The following PTPN11 variants were observed in gnomAD, a reference collection of about 807,000 sequenced individuals.
PTPN11 encodes protein tyrosine phosphatase non-receptor type 11.
PTPN11 carries 6 observed loss-of-function variants against 78.8 expected under a neutral mutation model. The observed-to-expected ratio is 0.08, with a 90% CI of 0.04 to 0.15. PTPN11 has a LOEUF of 0.15. Among genes scored for constraint, PTPN11 ranks in the 10% least tolerant of loss-of-function variants. The probability of loss-of-function intolerance (pLI) is 1.00; values close to 1 mark genes in which losing one functional copy is unlikely to be tolerated. For synonymous variants in PTPN11, 221 were observed against 263.5 expected (o/e 0.84, Z 1.56); for missense variants, 386 against 744.8 (o/e 0.52, Z 5.61).
At chr12:112,460,649 C>A (rs1351943907) in intron 6 of PTPN11, among the ~76,000 whole-genome samples, 1 of 152,046 alleles carries the variant, frequency 6.6e-6, no homozygotes, top group Non-Finnish European at 1.5e-5. Flanking sequence ...CGAGACCATC[C>A]TGGCCAACAT....
At chr12:112,454,461 A>G (rs993203220) in intron 4 of PTPN11, 103 bp from the exon 5 acceptor site, 11 of 873,724 alleles carry the variant, frequency 1.3e-5, no homozygotes, top group Non-Finnish European at 2.1e-5. Flanking sequence ...GTCTCTATAT[A>G]CTAGCTATTG....
chr12:112,468,462 T>A (rs1255712588), intron 6 of PTPN11, among the ~76,000 whole-genome samples: 1 of 152,206 alleles, frequency 6.6e-6, no homozygotes, highest in Non-Finnish European at 1.5e-5. Flanking sequence ...ATTTTCAGTC[T>A]CACTCTAGAT....
At chr12:112,435,425 T>TA (rs2037774303) in intron 1 of PTPN11, among the ~76,000 whole-genome samples, 2 of 152,060 alleles carry the variant, frequency 1.3e-5, no homozygotes, top group African/African-American at 2.4e-5. Flanking sequence ...GAATCTATTT[T>TA]AAAAAAAGAA....
intron 1 of PTPN11, among the ~76,000 whole-genome samples, chr12:112,443,040 C>T (rs1592819625): frequency 6.7e-6 from 1 of 150,252 alleles, no homozygotes; most frequent in South Asian, 2.1e-4. Flanking sequence ...GCAGACATGG[C>T]GTCTCATTGC....
At chr12:112,474,086 C>T (rs552502555) in intron 7 of PTPN11, among the ~76,000 whole-genome samples, 4 of 152,242 alleles carry the variant, frequency 2.6e-5, no homozygotes, top group South Asian at 4.1e-4. Context: ...CAGTGGCTTA[C>T]GCCTGTAATC....
At chr12:112,473,240 TGAGTA>T (rs1326371772) in intron 7 of PTPN11, among the ~76,000 whole-genome samples, 200 bp downstream of exon 7, 2 of 152,180 alleles carry the variant, frequency 1.3e-5, no homozygotes, top group East Asian at 1.9e-4. Context: ...TGCTGATTAC[TGAGTA>T]AAGTTGCCAC....
chr12:112,492,275 C>T (rs1423531629), intron 13 of PTPN11, among the ~76,000 whole-genome samples: 1 of 152,100 alleles, frequency 6.6e-6, no homozygotes, highest in Admixed American at 6.5e-5. Flanking sequence ...ACTTTGATCA[C>T]TTGAATAAGG....
intron 4 of PTPN11, among the ~76,000 whole-genome samples, 181 bp from the exon 5 acceptor site, chr12:112,454,383 G>T (rs1010401434): frequency 5.9e-5 from 9 of 152,176 alleles, no homozygotes; most frequent in Admixed American, 6.5e-5. Context: ...GCCTCCCAAA[G>T]TGCTGGAATT....
At chr12:112,426,358 G>A (rs989384118) in intron 1 of PTPN11, among the ~76,000 whole-genome samples, 3 of 151,998 alleles carry the variant, frequency 2.0e-5, no homozygotes, top group African/African-American at 4.8e-5. Flanking sequence ...CTTGATTCAC[G>A]CGATTCTCCT....
chr12:112,448,091 C>T (rs780860235), intron 2 of PTPN11, among the ~76,000 whole-genome samples: 36 of 152,118 alleles, frequency 2.4e-4, no homozygotes, highest in Non-Finnish European at 3.8e-4. Flanking sequence ...CATGAGCTAT[C>T]GCGCCTGGCC....
intron 1 of PTPN11, among the ~76,000 whole-genome samples, chr12:112,424,869 GTGTGTGTGTGTGTGTGTGTGTA>G (rs1193846375): frequency 1.3e-4 from 18 of 139,156 alleles, no homozygotes; most frequent in Admixed American, 7.6e-4. Context: ...CAGGCTAATT[GTGTGTGTGTGTGTGTGTGTGTA>G]TGTGTGTGTG....
intron 6 of PTPN11, among the ~76,000 whole-genome samples, chr12:112,458,121 T>C (rs1307180074): frequency 6.6e-6 from 1 of 152,226 alleles, no homozygotes; most frequent in Non-Finnish European, 1.5e-5. Context: ...CTTGCTGAGA[T>C]AGATATGATT....
chr12:112,475,741 A>G (rs1165162638), intron 7 of PTPN11, among the ~76,000 whole-genome samples: 1 of 152,170 alleles, frequency 6.6e-6, no homozygotes, highest in Non-Finnish European at 1.5e-5. Flanking sequence ...GTGTGTGTCT[A>G]TGCATGAAAC....
chr12:112,478,160 G>A lies in PTPN11; in HGVS notation c.1092+145G>A. 5.3e-6 allele frequency: 5 copies of A among 948,974 alleles called. No homozygotes were observed. In the South Asian group the frequency reaches 7.9e-5, roughly 15 times the overall value. 58.8% of individuals were successfully genotyped at this position (948,974 alleles called of 1,614,324 possible). On this transcript the variant is annotated intron_variant, in intron 9 of 15. Coordinates refer to ENST00000351677, the MANE Select transcript of PTPN11 (RefSeq NM_002834.5). ...AAGGGACTAGGAGAAATTTGATTAT[G>A]TTATTCCTTGGTGTAGTTTTCTTTA... is the stretch of plus-strand genomic sequence containing the variant.
At chr12:112,435,969 G>A (rs1017352097) in intron 1 of PTPN11, among the ~76,000 whole-genome samples, 1 of 152,200 alleles carries the variant, frequency 6.6e-6, no homozygotes, top group Admixed American at 6.5e-5. Context: ...AGGATCACTT[G>A]AGTCCAGGAG....
At position 112,419,001 on chromosome 12, in the gene PTPN11, GC is replaced by G; in HGVS notation, c.-107del. ...GGTCTGTGCGCGGCCGGCTGGCTCTGCCCCGCGTCCGGTCCCGAGCGGGCCT... is the reference window on the plus strand; with the variant it reads ...GGTCTGTGCGCGGCCGGCTGGCTCTGCCCGCGTCCGGTCCCGAGCGGGCCT... On this transcript the variant is annotated 5_prime_UTR_variant, in exon 1 of 16. Coordinates refer to ENST00000351677, the MANE Select transcript of PTPN11 (RefSeq NM_002834.5). 3 of 1,409,252 alleles carry G rather than the reference GC, an allele frequency of 2.1e-6. No homozygotes were observed. Among genetic ancestry groups the G allele is most frequent in the African/African-American group, 2.9e-5 (2 of 68,454 alleles). The allele number at this position is 1,409,252 out of a possible 1,614,324, so 87.3% of individuals were successfully genotyped here. A position where few individuals can be genotyped will look rare whatever the true frequency, so the allele number is the denominator to read the frequency against.
intron 11 of PTPN11, chr12:112,486,900 G>A: frequency 7.2e-7 from 1 of 1,397,726 alleles, no homozygotes; most frequent in Non-Finnish European, 9.3e-7. Context: ...ACCAGAAGTT[G>A]TGCATTAAAC....
chr12:112,436,208 A>G (rs1594135356), intron 1 of PTPN11, among the ~76,000 whole-genome samples: 1 of 152,226 alleles, frequency 6.6e-6, no homozygotes, highest in African/African-American at 2.4e-5. Context: ...TTAATACTAG[A>G]GTAATTGCAT....
chr12:112,496,351 C>T (rs1248016507), intron 13 of PTPN11, among the ~76,000 whole-genome samples: 2 of 152,104 alleles, frequency 1.3e-5, no homozygotes, highest in Non-Finnish European at 2.9e-5. Context: ...CTAGAATCAT[C>T]CATTTTTCTA....
Sources: allele counts gnomAD v4.1 joint callset (sites outside exome capture counted in the v4.1 genomes callset), GRCh38; gene constraint gnomAD v4.1.1; transcripts MANE v1.5; gene names NCBI Gene and HGNC (gene_info 2026-07-23, HGNC 2026-07-21).